ZNF704: variants seen among roughly 807,000 people sequenced by gnomAD.
The protein encoded by ZNF704 is zinc finger protein 704.
A neutral mutation model predicts 44.7 loss-of-function variants in ZNF704; 10 were observed. That is an observed-to-expected ratio of 0.22 (90% CI 0.14 to 0.38). ZNF704 has a LOEUF of 0.38. ZNF704 is among the 10% of genes least tolerant of loss of function. ZNF704 has a pLI of 1.00. For synonymous variants in ZNF704, 211 were observed against 207.6 expected, an observed-to-expected ratio of 1.02 and a Z score of -0.14; for missense variants, 390 against 545.5, an observed-to-expected ratio of 0.71 and a Z score of 2.84.
At chr8:80,803,335 A>G (rs1325788722) in intron 2 of ZNF704, among the ~76,000 whole-genome samples, 1 of 152,176 alleles carries the variant, frequency 6.6e-6, no homozygotes, top group Non-Finnish European at 1.5e-5. Context: ...AGAAAAAACT[A>G]TTTTAAATTT....
intron 2 of ZNF704, among the ~76,000 whole-genome samples, chr8:80,729,042 T>G (rs979811031): frequency 2.6e-5 from 4 of 152,184 alleles, no homozygotes; most frequent in Non-Finnish European, 5.9e-5. Flanking sequence ...CACCTGCAGT[T>G]TTCATCATTC....
At chr8:80,877,185 GAAAAAAAAAA>G (rs5892744), upstream of ZNF704, among the ~76,000 whole-genome samples, 30 of 59,722 alleles carry the variant, frequency 5.0e-4, 1 homozygote, top group East Asian at 9.1e-3. Context: ...CTCTGAATGG[GAAAAAAAAAA>G]AAAAAAAAAA....
At position 80,636,393 on chromosome 8, in the gene ZNF704, T is replaced by C. The variant is rs1817663485; in HGVS notation, c.*4973A>G. 3 of 152,210 alleles carry C rather than the reference T, an allele frequency of 2.0e-5. No individual in the cohort carries two copies. 9.4% of individuals were successfully genotyped at this position (152,210 alleles called of 1,614,324 possible). ...AGCATGTATATCATTGGATATGGGC[T>C]TTTTCAAAGTCAGTCATAATAAGCA... On this transcript the variant is annotated 3_prime_UTR_variant, in exon 9 of 9. Transcript: ENST00000327835.
chr8:80,694,909 A>T (rs1220605911), intron 2 of ZNF704, among the ~76,000 whole-genome samples: 1 of 152,232 alleles, frequency 6.6e-6, no homozygotes, highest in East Asian at 1.9e-4. Flanking sequence ...AGAGGCTGAC[A>T]ATTAAAATAC....
intron 6 of ZNF704, among the ~76,000 whole-genome samples, chr8:80,662,507 C>T (rs975822971): frequency 5.3e-5 from 8 of 152,122 alleles, no homozygotes; most frequent in Non-Finnish European, 1.2e-4. Flanking sequence ...ATGAATTATT[C>T]GTTTTGACCA....
chr8:80,798,206 C>T (rs1807839434), intron 2 of ZNF704, among the ~76,000 whole-genome samples: 1 of 152,014 alleles, frequency 6.6e-6, no homozygotes, highest in East Asian at 1.9e-4. Context: ...TTTCCAATAC[C>T]TTGTTTCTCA....
chr8:80,830,053 T>C (rs999898988), intron 1 of ZNF704, among the ~76,000 whole-genome samples: 2 of 152,104 alleles, frequency 1.3e-5, no homozygotes, highest in South Asian at 4.1e-4. Context: ...CTTTTATTCA[T>C]ATCAATTATT....
At chr8:80,826,564 A>G (rs1808380142) in intron 1 of ZNF704, among the ~76,000 whole-genome samples, 1 of 152,164 alleles carries the variant, frequency 6.6e-6, no homozygotes, top group African/African-American at 2.4e-5. Flanking sequence ...ATCCTCCCTA[A>G]CTCATTTTAT....
At chr8:80,787,149 G>A (rs1011361379) in intron 2 of ZNF704, among the ~76,000 whole-genome samples, 2 of 152,196 alleles carry the variant, frequency 1.3e-5, no homozygotes, top group Non-Finnish European at 2.9e-5. Context: ...TACATCTGCT[G>A]TACTCTATGT....
intron 2 of ZNF704, among the ~76,000 whole-genome samples, chr8:80,811,128 G>A (rs1013742795): frequency 2.0e-5 from 3 of 152,168 alleles, no homozygotes; most frequent in Non-Finnish European, 2.9e-5. Context: ...CACTAGCCAT[G>A]TGTGGCTATA....
At chr8:80,781,576 C>T (rs762543171) in intron 2 of ZNF704, among the ~76,000 whole-genome samples, 4 of 152,242 alleles carry the variant, frequency 2.6e-5, no homozygotes, top group South Asian at 2.1e-4. Context: ...CTGCACTTTG[C>T]GAATCGCTGC....
chr8:80,814,894 A>T (rs1357267143), intron 2 of ZNF704, among the ~76,000 whole-genome samples: 2 of 152,172 alleles, frequency 1.3e-5, no homozygotes, highest in Non-Finnish European at 2.9e-5. Context: ...GTCTTATCTC[A>T]CTTAATTACA....
intron 4 of ZNF704, among the ~76,000 whole-genome samples, chr8:80,682,381 C>T (rs933214682): frequency 2.6e-5 from 4 of 152,182 alleles, no homozygotes; most frequent in Non-Finnish European, 5.9e-5. Context: ...TACAACTGTT[C>T]ATGGTTAAGA....
chr8:80,804,493 C>T (rs1213104742), intron 2 of ZNF704, among the ~76,000 whole-genome samples: 1 of 152,040 alleles, frequency 6.6e-6, no homozygotes, highest in Non-Finnish European at 1.5e-5. Context: ...ACTATGCAGC[C>T]ATGAAAATGA....
At chr8:80,829,580 G>A (rs1297562049) in intron 1 of ZNF704, among the ~76,000 whole-genome samples, 3 of 152,012 alleles carry the variant, frequency 2.0e-5, no homozygotes, top group African/African-American at 7.2e-5. Flanking sequence ...CAACATTACA[G>A]GAAGTCTAGC....
chr8:80,769,123 T>A (rs1586014163), intron 2 of ZNF704, among the ~76,000 whole-genome samples: 1 of 152,174 alleles, frequency 6.6e-6, no homozygotes, highest in East Asian at 1.9e-4. Flanking sequence ...CTTTAGAGAT[T>A]CTAAAGAACT....
chr8:80,754,001 C>T (rs1806993219), intron 2 of ZNF704, among the ~76,000 whole-genome samples: 1 of 152,096 alleles, frequency 6.6e-6, no homozygotes, highest in South Asian at 2.1e-4. Context: ...GTGTGTACAC[C>T]CTAAGCAAGC....
intron 1 of ZNF704, among the ~76,000 whole-genome samples, chr8:80,869,394 C>T (rs911078645): frequency 6.6e-6 from 1 of 152,220 alleles, no homozygotes; most frequent in Non-Finnish European, 1.5e-5. Flanking sequence ...ATCTCCCTCA[C>T]CCTCAGCTGA....
Position 80,763,912 on chromosome 8 carries a change from G to A in ZNF704, c.221+57462C>T, listed in dbSNP as rs1006318593. ...GGGGCAAAATGCTGCCAGTATTTTT[G>A]TTAAAGCACAGCAAGAGTGACCTTT... On this transcript the variant is annotated intron_variant, in intron 2 of 8. Coordinates refer to ENST00000327835, the MANE Select transcript of ZNF704 (RefSeq NM_001033723.3). 1.2e-4 allele frequency among the ~76,000 whole-genome samples: 18 copies of A among 152,252 alleles called. No individual in the cohort carries two copies. The East Asian group carries it at 2.9e-3, about 25-fold the overall frequency.
Sources: gnomAD v4.1 joint callset for allele counts (sites outside exome capture counted in the v4.1 genomes callset) on GRCh38, gnomAD v4.1.1 for gene constraint, MANE v1.5 for transcripts, NCBI Gene and HGNC (gene_info 2026-07-23, HGNC 2026-07-21) for gene names.